The following PLEKHA7 variants were observed in gnomAD, a reference collection of about 807,000 sequenced individuals.
PLEKHA7 encodes pleckstrin homology domain containing A7.
Under a neutral mutation model 170.0 loss-of-function variants are expected in PLEKHA7, and 104 were observed. That is an observed-to-expected ratio of 0.61 (90% confidence interval 0.52 to 0.72). The LOEUF (loss-of-function observed/expected upper bound fraction) is 0.72, where lower values mean the gene tolerates loss of function less well. Among genes scored for constraint, PLEKHA7 ranks in the 30% least tolerant of loss-of-function variants. PLEKHA7 has a pLI of 0.00. For missense variants in PLEKHA7, 1,615 were observed against 1,671.7 expected (o/e 0.97, Z 0.59); for synonymous variants, 648 against 660.8 (o/e 0.98, Z 0.30).
Position 16,833,421 on chromosome 11 carries a change from T to G in PLEKHA7, c.873-6831A>C, listed in dbSNP as rs7926537. ...CTGCCAGCCCTCCTCACTTTATTCA[T>G]TCCTGCCTGAAGAATCCTTCTCTCT... On this transcript the variant is annotated intron_variant, in intron 9 of 26. Transcript: ENST00000531066. Among the ~76,000 whole-genome samples, 669 of 152,338 alleles carry G rather than the reference T, an allele frequency of 4.4e-3. 1 individual carries two copies. The highest frequency in any genetic ancestry group is 0.014 in the African/African-American group (596 of 41,578).
intron 17 of PLEKHA7, chr11:16,795,376 G>A (rs946097310): frequency 7.7e-6 from 2 of 260,954 alleles, no homozygotes; most frequent in Admixed American, 9.8e-5. Context: ...GGGCGGGGGA[G>A]AGGGAAGAAT....
At chr11:16,884,997 A>C (rs890999128) in intron 3 of PLEKHA7, among the ~76,000 whole-genome samples, 8 of 152,098 alleles carry the variant, frequency 5.3e-5, no homozygotes, top group Admixed American at 2.6e-4. Context: ...TACCAACATC[A>C]CTGATTCCAG....
rs1384265803 is a variant in PLEKHA7, at chr11:16,800,941, G to C, written c.2409+33C>G. The C allele has an allele frequency of 3.2e-6, 5 of 1,563,212 alleles. No individual in the cohort carries two copies. In the African/African-American group the frequency reaches 6.8e-5, roughly 21 times the overall value. On this transcript the variant is annotated intron_variant, in intron 17 of 26. Coordinates refer to ENST00000531066, the MANE Select transcript of PLEKHA7 (RefSeq NM_001329630.2). ...ACAAAAAACAAAAAACAAAAAACAA[G>C]AGCTCAGAAGAGATGGACAGGTATC...
intron 3 of PLEKHA7, among the ~76,000 whole-genome samples, chr11:16,879,492 G>C (rs1241209765): frequency 2.0e-5 from 3 of 152,172 alleles, no homozygotes; most frequent in African/African-American, 7.2e-5. Flanking sequence ...GCCCTGGAGA[G>C]CATAGAGCAG....
intron 3 of PLEKHA7, among the ~76,000 whole-genome samples, chr11:16,955,071 T>C (rs1182403354): frequency 6.6e-6 from 1 of 152,242 alleles, no homozygotes; most frequent in African/African-American, 2.4e-5. Flanking sequence ...CCTTATCAGA[T>C]GGATTTTTTA....
At chr11:16,919,444 G>A (rs534456323) in intron 3 of PLEKHA7, among the ~76,000 whole-genome samples, 11 of 152,180 alleles carry the variant, frequency 7.2e-5, no homozygotes, top group Non-Finnish European at 8.8e-5. Context: ...CAGGAGACAG[G>A]CAGGAGGATC....
intron 3 of PLEKHA7, among the ~76,000 whole-genome samples, chr11:17,005,817 A>G (rs761604946): frequency 2.6e-5 from 4 of 152,116 alleles, no homozygotes; most frequent in Non-Finnish European, 4.4e-5. Context: ...TTCCTTTCCC[A>G]CAGAACCTAA....
intron 10 of PLEKHA7, among the ~76,000 whole-genome samples, chr11:16,823,246 T>C (rs1390900336): frequency 1.3e-5 from 2 of 152,136 alleles, no homozygotes; most frequent in Non-Finnish European, 2.9e-5. Context: ...ACTCAAGCGA[T>C]CCTACCACCT....
chr11:16,955,010 T>C (rs911669917), intron 3 of PLEKHA7, among the ~76,000 whole-genome samples: 1 of 152,194 alleles, frequency 6.6e-6, no homozygotes, highest in African/African-American at 2.4e-5. Flanking sequence ...TTTTCACATA[T>C]ACTGTTTCAT....
chr11:16,946,027 G>C (rs1861005858), intron 3 of PLEKHA7, among the ~76,000 whole-genome samples: 1 of 152,156 alleles, frequency 6.6e-6, no homozygotes, highest in African/African-American at 2.4e-5. Flanking sequence ...ACACAAACAG[G>C]CAAGATGCCC....
intron 3 of PLEKHA7, among the ~76,000 whole-genome samples, chr11:17,007,428 T>G (rs1865070422): frequency 6.6e-6 from 1 of 152,140 alleles, no homozygotes; most frequent in Non-Finnish European, 1.5e-5. Flanking sequence ...GTTCAAGCGT[T>G]CCTCCTGGCT....
chr11:16,948,050 T>C (rs1187986063), intron 3 of PLEKHA7, among the ~76,000 whole-genome samples: 3 of 152,086 alleles, frequency 2.0e-5, no homozygotes, highest in Non-Finnish European at 4.4e-5. Context: ...CCTGGAGGAA[T>C]TTATGTTGTA....
At chr11:16,810,469 C>G (rs749814393) in intron 13 of PLEKHA7, among the ~76,000 whole-genome samples, 1 of 152,210 alleles carries the variant, frequency 6.6e-6, no homozygotes, top group African/African-American at 2.4e-5. Context: ...GCTTGTTTCT[C>G]GCATGTGGCT....
intron 13 of PLEKHA7, among the ~76,000 whole-genome samples, chr11:16,808,688 G>T (rs1321372459): frequency 6.6e-6 from 1 of 152,190 alleles, no homozygotes; most frequent in African/African-American, 2.4e-5. Flanking sequence ...CTCCACGAGT[G>T]ACAGCAGGTA....
chr11:16,846,008 G>A (rs1852374163), intron 8 of PLEKHA7, among the ~76,000 whole-genome samples: 1 of 152,168 alleles, frequency 6.6e-6, no homozygotes, highest in Non-Finnish European at 1.5e-5. Flanking sequence ...AAAGAGGCCG[G>A]GTGTAGTGGC....
chr11:16,932,671 G>C (rs1219344134), intron 3 of PLEKHA7, among the ~76,000 whole-genome samples: 3 of 152,158 alleles, frequency 2.0e-5, no homozygotes, highest in Non-Finnish European at 4.4e-5. Flanking sequence ...AAGAGACAGA[G>C]GGACAGAAAT....
At chr11:16,951,226 C>G (rs1427975218) in intron 3 of PLEKHA7, among the ~76,000 whole-genome samples, 1 of 152,118 alleles carries the variant, frequency 6.6e-6, no homozygotes, top group African/African-American at 2.4e-5. Context: ...GTATAGGAAC[C>G]CAGGCAGTTT....
chr11:16,790,523 C>G, intron 21 of PLEKHA7: 1 of 378,726 alleles, frequency 2.6e-6, no homozygotes, highest in East Asian at 4.7e-5. Context: ...TTGTGAATAT[C>G]ATGTCTATAT....
chr11:16,783,858 G>A, intron 24 of PLEKHA7, 25 bp from the exon 25 acceptor site: 4 of 1,423,278 alleles, frequency 2.8e-6, no homozygotes, highest in Non-Finnish European at 3.7e-6. Flanking sequence ...GGAGGTGGCA[G>A]AGGGAGAGGC....
Sources: gnomAD v4.1 joint callset for allele counts (sites outside exome capture counted in the v4.1 genomes callset) on GRCh38, gnomAD v4.1.1 for gene constraint, MANE v1.5 for transcripts, NCBI Gene and HGNC (gene_info 2026-07-23, HGNC 2026-07-21) for gene names.